The following CATSPERD variants were observed in gnomAD, a reference collection of about 807,000 sequenced individuals.
CATSPERD encodes catsper channel auxiliary subunit delta, also known as cation channel sperm-associated auxiliary subunit delta.
CATSPERD carries 86 observed loss-of-function variants against 98.1 expected under a neutral mutation model. The ratio of observed to expected loss-of-function variants is 0.88; its 90% CI spans 0.74 to 1.05. The LOEUF is 1.05. Among genes scored for constraint, CATSPERD ranks in the 50% least tolerant of loss-of-function variants. CATSPERD has a pLI of 0.00. For missense variants in CATSPERD, 995 were observed against 1,005.7 expected (o/e 0.99, Z 0.14); for synonymous variants, 394 against 390.2 (o/e 1.01, Z -0.12).
intron 11 of CATSPERD, among the ~76,000 whole-genome samples, chr19:5,750,181 G>A (rs961254086): frequency 8.2e-5 from 12 of 146,380 alleles, no homozygotes; most frequent in South Asian, 2.4e-4. Context: ...GGGCGTGGTG[G>A]CTCACGCCTG....
At chr19:5,763,057 A>G (rs900443644) in intron 15 of CATSPERD, among the ~76,000 whole-genome samples, 158 bp from the exon 16 acceptor site, 76 of 125,824 alleles carry the variant, frequency 6.0e-4, no homozygotes, top group East Asian at 8.1e-4. Flanking sequence ...TGGATGGATG[A>G]ATGGATGGAT....
chr19:5,751,913 A>G, intron 12 of CATSPERD, 90 bp downstream of exon 12: 2 of 1,242,946 alleles, frequency 1.6e-6, no homozygotes, highest in Non-Finnish European at 2.2e-6. Context: ...CTGTAGCCCC[A>G]GTTGCTCAGG....
chr19:5,739,200 C>G (rs774416048), intron 6 of CATSPERD, 126 bp from the exon 7 acceptor site: 26 of 631,892 alleles, frequency 4.1e-5, no homozygotes, highest in Non-Finnish European at 6.9e-5. Context: ...ACAGCCCCAT[C>G]GAACAGTCAC....
At chr19:5,740,625 G>C (rs1312683329) in intron 7 of CATSPERD, among the ~76,000 whole-genome samples, 2 of 151,616 alleles carry the variant, frequency 1.3e-5, no homozygotes, top group Non-Finnish European at 2.9e-5. Context: ...AAACTGGCTG[G>C]GTGTATTGGC....
chr19:5,758,814 C>T (rs2056377320), intron 14 of CATSPERD, among the ~76,000 whole-genome samples: 1 of 149,170 alleles, frequency 6.7e-6, no homozygotes, highest in African/African-American at 2.5e-5. Context: ...GTTCCAGCTA[C>T]TTGGGAGGAT....
intron 11 of CATSPERD, 116 bp from the exon 12 acceptor site, chr19:5,751,531 C>CAAAAAA (rs57266365): frequency 6.4e-6 from 1 of 155,712 alleles, no homozygotes; most frequent in African/African-American, 6.1e-5. Context: ...GAGACTCCAT[C>CAAAAAA]AAAAAAAAAA....
chr19:5,728,700 T>C (rs997289063), intron 3 of CATSPERD, among the ~76,000 whole-genome samples: 6 of 135,264 alleles, frequency 4.4e-5, no homozygotes, highest in African/African-American at 1.6e-4. Context: ...TCTCTCTCTC[T>C]CTCTCTTTTT....
At position 5,767,899 on chromosome 19, in the gene CATSPERD, T is replaced by G. The variant is rs1362532762; in HGVS notation, c.1560-269T>G. Among the ~76,000 whole-genome samples, 3 of 151,678 alleles carry G rather than the reference T, an allele frequency of 2.0e-5. No homozygotes were observed. In the East Asian group the frequency reaches 5.8e-4, roughly 29 times the overall value. On this transcript the variant is annotated intron_variant, in intron 17 of 21. Transcript: ENST00000381624. Reference sequence around the variant, plus strand: ...GCAACCTCCGCCTCCCAGGTTCAAGTGATTCTCCTGCCTCAGCCTCCCAAG... The same window carrying G: ...GCAACCTCCGCCTCCCAGGTTCAAGGGATTCTCCTGCCTCAGCCTCCCAAG...
chr19:5,751,436 A>C (rs2056216567), intron 11 of CATSPERD, among the ~76,000 whole-genome samples: 2 of 143,658 alleles, frequency 1.4e-5, no homozygotes, highest in Admixed American at 7.5e-5. Flanking sequence ...CGGGAGGCTG[A>C]GGCAGGAGAA....
Position 5,744,512 on chromosome 19 carries a change from T to C in CATSPERD, c.657+2T>C, listed in dbSNP as rs1417017798. On this transcript the variant is annotated splice_donor_variant, in intron 8 of 21. Coordinates refer to ENST00000381624, the MANE Select transcript of CATSPERD (RefSeq NM_152784.4). LOFTEE classifies it high-confidence loss of function. ...ATGCTTGTAGTGAATCAAGGGAAGG[T>C]AAGTAACTGCAGAGGGAAGAACTAC... 6.2e-7 allele frequency: 1 copy of C among 1,610,054 alleles called. No homozygotes were observed. Among genetic ancestry groups the C allele is most frequent in the East Asian group, 2.2e-5 (1 of 44,780 alleles).
At chr19:5,758,298 T>C (rs1469192029) in intron 14 of CATSPERD, among the ~76,000 whole-genome samples, 1 of 151,996 alleles carries the variant, frequency 6.6e-6, no homozygotes. Context: ...TCACATCACA[T>C]CCAGGTGAGT....
intron 4 of CATSPERD, among the ~76,000 whole-genome samples, chr19:5,731,570 T>TTTG (rs2055721840): frequency 8.5e-6 from 1 of 117,404 alleles, no homozygotes; most frequent in South Asian, 3.2e-4. Flanking sequence ...GTTTTTTTTT[T>TTTG]TTTTTTTTTT....
At position 5,768,807 on chromosome 19, in the gene CATSPERD, C is replaced by T. The variant is rs145230812; in HGVS notation, c.1634+565C>T. 5.5e-3 allele frequency among the ~76,000 whole-genome samples: 838 copies of T among 152,112 alleles called. 10 individuals carry two copies. Among genetic ancestry groups the T allele is most frequent in the South Asian group, 0.03 (146 of 4,822 alleles). On this transcript the variant is annotated intron_variant, in intron 18 of 21. Coordinates refer to ENST00000381624, the MANE Select transcript of CATSPERD (RefSeq NM_152784.4). The stretch of plus-strand genomic sequence containing the variant: ...GTGAGCATGTACTGCCACGCCCATA[C>T]GAGAGTCTGGGCCTCAGTCAATTTG...
At chr19:5,730,025 G>T in intron 4 of CATSPERD, 81 bp downstream of exon 4, 2 of 857,052 alleles carry the variant, frequency 2.3e-6, no homozygotes, top group East Asian at 2.6e-5. Flanking sequence ...ATATCAGACT[G>T]GTCTGTTTTT....
At chr19:5,723,613 G>A (rs538723658) in intron 1 of CATSPERD, among the ~76,000 whole-genome samples, 1 of 150,378 alleles carries the variant, frequency 6.6e-6, no homozygotes, top group East Asian at 2.0e-4. Context: ...TACAGGTGCC[G>A]CAACCACGCC....
rs536048383 is a variant in CATSPERD at position 5,778,627 on chromosome 19, A to G, written c.2348A>G (p.Glu783Gly). The change falls in exon 22 of 22, where the codon GAG becomes GGG. Residue 783 changes from glutamate to glycine, a missense_variant. Physicochemically the swap from Glu to Gly is moderately conservative, Grantham distance 98. This residue lies in a region of CATSPERD where 762 missense variants were observed against 773.7 expected (regional missense o/e 0.98). Transcript: ENST00000381624. Reference sequence around the variant, plus strand: ...TCAGCCACAGCCAGGGCAGGCACAGAGCCCCCGGGACGCCACCGCACTCCT... The same window carrying G: ...TCAGCCACAGCCAGGGCAGGCACAGGGCCCCCGGGACGCCACCGCACTCCT... ...RASATARAGT[E>G]PPGRHRTPHG... is the part of the protein sequence containing the mutation. The G allele has an allele frequency of 6.2e-7, 1 of 1,613,646 alleles. No individual in the cohort carries two copies. The highest frequency in any genetic ancestry group is 1.1e-5 in the South Asian group (1 of 91,082).
chr19:5,755,695 C>T (rs1440531150), intron 13 of CATSPERD, among the ~76,000 whole-genome samples: 1 of 151,706 alleles, frequency 6.6e-6, no homozygotes, highest in Admixed American at 6.6e-5. Flanking sequence ...ATCTCTTGAA[C>T]CCAGGAGGCG....
rs762340982 is a variant in CATSPERD, at chr19:5,757,942, G to A, written c.1368+10G>A. On this transcript the variant is annotated intron_variant, in intron 14 of 21. Transcript: ENST00000381624. Reference sequence around the variant, plus strand: ...CACCAAGTACAAACTGGTGAGCCGCGTCCCCACCAAACCCTGTCGCCTGTC... The same window carrying A: ...CACCAAGTACAAACTGGTGAGCCGCATCCCCACCAAACCCTGTCGCCTGTC... The A allele has an allele frequency of 8.4e-5, 135 of 1,607,946 alleles. 1 individual carries two copies. The highest frequency in any genetic ancestry group is 1.0e-4 in the Non-Finnish European group (122 of 1,177,290).
intron 2 of CATSPERD, among the ~76,000 whole-genome samples, chr19:5,725,372 A>G (rs2055584883): frequency 6.6e-6 from 1 of 152,058 alleles, no homozygotes; most frequent in Admixed American, 6.6e-5. Flanking sequence ...GCTGGTCTCG[A>G]GCTCCTGGAC....
Sources: allele counts gnomAD v4.1 joint callset (sites outside exome capture counted in the v4.1 genomes callset), GRCh38; gene constraint gnomAD v4.1.1; regional missense constraint gnomAD v4.1.1; transcripts MANE v1.5; gene names NCBI Gene and HGNC (gene_info 2026-07-23, HGNC 2026-07-21).